ZNF587: variants seen among roughly 807,000 people sequenced by gnomAD.
ZNF587 encodes the protein zinc finger protein zfp6.
ZNF587 carries 8 observed loss-of-function variants against 7.5 expected under a neutral mutation model. The observed-to-expected ratio is 1.06, with a 90% CI of 0.62 to 1.92. The LOEUF is 1.92. Among genes scored for constraint, ZNF587 ranks in the 40% most tolerant of loss-of-function variants. The pLI is 0.00. For synonymous variants in ZNF587, 145 were observed against 237.8 expected, an observed-to-expected ratio of 0.61 and a Z score of 3.59; for missense variants, 468 against 692.8, an observed-to-expected ratio of 0.68 and a Z score of 3.64.
At position 57,859,919 on chromosome 19, in the gene ZNF587, T is replaced by C. The variant is rs1464209642; in HGVS notation, c.1507T>C (p.Ser503Pro). Reference sequence around the variant, plus strand: ...CAGTGAATGTGGGAAATCATTTCTTTCCAGCTCTGCGCTTCATGTTCATAA... The same window carrying C: ...CAGTGAATGTGGGAAATCATTTCTTCCCAGCTCTGCGCTTCATGTTCATAA... ...ECSECGKSFL[S>P]SSALHVHKRV... The change falls in exon 3 of 3, where the codon TCC becomes CCC. Residue 503 changes from serine (S) to proline (P), a missense_variant. Physicochemically the swap from Ser to Pro is moderately conservative, Grantham distance 74. Transcript: ENST00000339656. The C allele has an allele frequency of 6.2e-7, 1 of 1,613,774 alleles. No homozygotes were observed. Among genetic ancestry groups the C allele is most frequent in the Non-Finnish European group, 8.5e-7 (1 of 1,179,972 alleles).
At chr19:57,852,164 C>T (rs2071289165) in intron 1 of ZNF587, 2 of 392,156 alleles carry the variant, frequency 5.1e-6, no homozygotes. Flanking sequence ...TCCTTTGATC[C>T]GAGGACCCTG....
Position 57,863,346 on chromosome 19 carries a change from G to C in ZNF587, c.*3206G>C, listed in dbSNP as rs2071460951. The stretch of plus-strand genomic sequence containing the variant: ...TTGGTCAGGCTGGTCTCAAACTCCT[G>C]ACCTCGTGATCCACCCACCTCGGCC... On this transcript the variant is annotated 3_prime_UTR_variant, in exon 3 of 3. Coordinates refer to ENST00000339656, the MANE Select transcript of ZNF587 (RefSeq NM_032828.4). The C allele has an allele frequency of 6.6e-6, 1 of 152,308 alleles. No individual in the cohort carries two copies. Among genetic ancestry groups the C allele is most frequent in the Admixed American group, 6.5e-5 (1 of 15,272 alleles). 9.4% of individuals were successfully genotyped at this position (152,308 alleles called of 1,614,324 possible).
chr19:57,859,936 T>C lies in ZNF587; in HGVS notation c.1524T>C (p.His508=), dbSNP rs754159219. The change falls in exon 3 of 3, where the codon CAT becomes CAC. Residue 508 remains histidine, a synonymous_variant. Coordinates refer to ENST00000339656, the MANE Select transcript of ZNF587 (RefSeq NM_032828.4). ...GKSFLSSSAL[H]VHKRVHSGQK... The stretch of plus-strand genomic sequence containing the variant: ...CATTTCTTTCCAGCTCTGCGCTTCA[T>C]GTTCATAAAAGAGTTCATTCTGGAC... 7.4e-6 allele frequency: 12 copies of C among 1,613,962 alleles called. No individual in the cohort carries two copies. In the East Asian group the frequency reaches 1.8e-4, roughly 24 times the overall value.
intron 1 of ZNF587, chr19:57,854,060 CTATT>C (rs2071319119): frequency 6.6e-6 from 1 of 152,218 alleles, no homozygotes; most frequent in Non-Finnish European, 1.5e-5. Flanking sequence ...CCAGTTGTAA[CTATT>C]TATCACTGTC....
At chr19:57,850,251 CAG>C (rs1292926473) in intron 1 of ZNF587, 180 bp downstream of exon 1, 48 of 1,051,784 alleles carry the variant, frequency 4.6e-5, no homozygotes, top group African/African-American at 6.5e-5. Context: ...GCTGCCTAGA[CAG>C]AGCCGATTTA....
intron 1 of ZNF587, among the ~76,000 whole-genome samples, chr19:57,852,539 TTC>T (rs1272138211): frequency 5.9e-5 from 9 of 151,746 alleles, no homozygotes; most frequent in African/African-American, 7.2e-5. Flanking sequence ...TCTTTTTTTT[TTC>T]TTAACGTGGA....
In ZNF587 at chr19:57,862,635, T is replaced by C. The variant is rs879210383; in HGVS notation, c.*2495T>C. The C allele has an allele frequency of 1.3e-5, 2 of 154,910 alleles. No homozygotes were observed. The highest frequency in any genetic ancestry group is 4.1e-4 in the South Asian group (2 of 4,922). 9.6% of individuals were successfully genotyped at this position (154,910 alleles called of 1,614,324 possible). ...ATGCCCATTTCCCCACTTGCATGAA[T>C]GTCGACACTGCAGCCACAGTTTTGG... On this transcript the variant is annotated 3_prime_UTR_variant, in exon 3 of 3. Transcript: ENST00000339656.
chr19:57,864,541 AAC>A lies in ZNF587; in HGVS notation c.*4403_*4404del, dbSNP rs1478741655. 3.3e-5 allele frequency: 5 copies of A among 152,122 alleles called. No homozygotes were observed. Among genetic ancestry groups the A allele is most frequent in the Admixed American group, 2.0e-4 (3 of 15,260 alleles). The allele number at this position is 152,122 out of a possible 1,614,324, so 9.4% of individuals were successfully genotyped here. A position where few individuals can be genotyped will look rare whatever the true frequency, so the allele number is the denominator to read the frequency against. On this transcript the variant is annotated 3_prime_UTR_variant, in exon 3 of 3. Coordinates refer to ENST00000339656, the MANE Select transcript of ZNF587 (RefSeq NM_032828.4). ...AAATAGCAAGGTACAGTCAGATGTT[AAC>A]AGTCTCAGCCCCTAAATGTCACCTT...
At position 57,860,272 on chromosome 19, in the gene ZNF587, A is replaced by C. The variant is rs749993900; in HGVS notation, c.*132A>C. 5.9e-6 allele frequency: 9 copies of C among 1,536,200 alleles called. No homozygotes were observed. The South Asian group carries it at 1.1e-4, about 19-fold the overall frequency. On this transcript the variant is annotated 3_prime_UTR_variant, in exon 3 of 3. Coordinates refer to ENST00000339656, the MANE Select transcript of ZNF587 (RefSeq NM_032828.4). ...CAGAATGTCTGCTGTCCTCGGTCTTAAGCGACTTCGTGTTGAGATGGAGTC... is the reference window on the plus strand; with the variant it reads ...CAGAATGTCTGCTGTCCTCGGTCTTCAGCGACTTCGTGTTGAGATGGAGTC...
rs1471562619 is a variant in ZNF587, at chr19:57,849,886, G to T, written c.-153G>T. 1 of 1,519,676 alleles carries T rather than the reference G, an allele frequency of 6.6e-7. No homozygotes were observed. Among genetic ancestry groups the T allele is most frequent in the Non-Finnish European group, 8.8e-7 (1 of 1,133,216 alleles). The allele number at this position is 1,519,676 out of a possible 1,614,324, so 94.1% of individuals were successfully genotyped here. On this transcript the variant is annotated 5_prime_UTR_variant, in exon 1 of 3. Transcript: ENST00000339656. The stretch of plus-strand genomic sequence containing the variant: ...TAGCGGCTGTGTATCGGCGATGCGG[G>T]TGTTTCCCCAGTTTGTGGCCCCTGA...
intron 1 of ZNF587, among the ~76,000 whole-genome samples, chr19:57,855,224 A>G (rs2071336807): frequency 6.6e-6 from 1 of 151,962 alleles, no homozygotes; most frequent in African/African-American, 2.4e-5. Context: ...ACATGGCTGT[A>G]ATCCCAGCTA....
intron 2 of ZNF587, chr19:57,857,438 C>T (rs764011989): frequency 2.0e-5 from 3 of 152,056 alleles, no homozygotes; most frequent in Admixed American, 6.6e-5. Flanking sequence ...ACATCTCACC[C>T]ATTTTTCTTT....
chr19:57,859,853 A>G lies in ZNF587; in HGVS notation c.1441A>G (p.Ile481Val), dbSNP rs762919845. Residue 481 changes from isoleucine to valine, a missense_variant, in exon 3 of 3, where the codon ATA becomes GTA. By Grantham distance (29) the Ile-to-Val change is conservative. Around this residue, in one of 5 missense-constraint regions of ZNF587, gnomAD observed 310 missense variants for 325.6 expected, o/e 0.95. Coordinates refer to ENST00000339656, the MANE Select transcript of ZNF587 (RefSeq NM_032828.4). ...ATTTGGCAATAAGCACAGCGTGACTATACATCAGAGGATTCACACTGGAGA... is the reference window on the plus strand; with the variant it reads ...ATTTGGCAATAAGCACAGCGTGACTGTACATCAGAGGATTCACACTGGAGA... ...KLFGNKHSVT[I>V]HQRIHTGERP... The G allele has an allele frequency of 1.1e-5, 17 of 1,614,174 alleles. No homozygotes were observed. The Admixed American group carries it at 1.3e-4, about 13-fold the overall frequency.
chr19:57,861,561 T>G lies in ZNF587; in HGVS notation c.*1421T>G, dbSNP rs574754778. 2 of 152,288 alleles carry G rather than the reference T, an allele frequency of 1.3e-5. No individual in the cohort carries two copies. Among genetic ancestry groups the G allele is most frequent in the East Asian group, 3.9e-4 (2 of 5,190 alleles). The allele number at this position is 152,288 out of a possible 1,614,324, so 9.4% of individuals were successfully genotyped here. A position where few individuals can be genotyped will look rare whatever the true frequency, so the allele number is the denominator to read the frequency against. On this transcript the variant is annotated 3_prime_UTR_variant, in exon 3 of 3. Coordinates refer to ENST00000339656, the MANE Select transcript of ZNF587 (RefSeq NM_032828.4). ...CCAGTCTGATCGCGAACTCCTGGGC[T>G]CAGGCGATCCACTTGCCTAGGCTCC...
At chr19:57,856,731 T>C (rs956479458) in intron 2 of ZNF587, among the ~76,000 whole-genome samples, 3 of 152,024 alleles carry the variant, frequency 2.0e-5, no homozygotes, top group African/African-American at 7.3e-5. Flanking sequence ...CTTAAGCAGC[T>C]CCAACACCTG....
intron 2 of ZNF587, among the ~76,000 whole-genome samples, chr19:57,856,769 T>TC (rs1237105013): frequency 6.6e-6 from 1 of 151,808 alleles, no homozygotes; most frequent in African/African-American, 2.4e-5. Flanking sequence ...AGGGAAGGAG[T>TC]CAGAGTCAGG....
At chr19:57,857,475 A>G (rs2071373229) in intron 2 of ZNF587, among the ~76,000 whole-genome samples, 1 of 151,822 alleles carries the variant, frequency 6.6e-6, no homozygotes, top group South Asian at 2.1e-4. Flanking sequence ...TGTCTCTGAT[A>G]TTGGTGTATT....
Position 57,862,832 on chromosome 19 carries a change from ACT to A in ZNF587, c.*2695_*2696del, listed in dbSNP as rs2071452702. ...GGCTGCCTAGAATCTGTTTCCTCTC[ACT>A]CTGAATTATTCTTCCTCTTATGGCT... On this transcript the variant is annotated 3_prime_UTR_variant, in exon 3 of 3. Transcript: ENST00000339656. 2 of 154,954 alleles carry A rather than the reference ACT, an allele frequency of 1.3e-5. No homozygotes were observed. Among genetic ancestry groups the A allele is most frequent in the South Asian group, 4.1e-4 (2 of 4,914 alleles). 9.6% of individuals were successfully genotyped at this position (154,954 alleles called of 1,614,324 possible).
At chr19:57,851,634 C>G (rs2071281695) in intron 1 of ZNF587, 1 of 152,732 alleles carries the variant, frequency 6.5e-6, no homozygotes, top group Admixed American at 6.5e-5. Context: ...TCACAGGCAT[C>G]TGTCAGGAAC....
Sources: allele counts gnomAD v4.1 joint callset (sites outside exome capture counted in the v4.1 genomes callset), GRCh38; gene constraint gnomAD v4.1.1; regional missense constraint gnomAD v4.1.1; transcripts MANE v1.5; gene names NCBI Gene and HGNC (gene_info 2026-07-23, HGNC 2026-07-21).